The following ITFG2 variants were observed in gnomAD, a reference collection of about 807,000 sequenced individuals.
The protein encoded by ITFG2 is KICSTOR complex protein ITFG2.
ITFG2 carries 36 observed loss-of-function variants against 54.4 expected under a neutral mutation model. The observed-to-expected ratio is 0.66, with a 90% CI of 0.51 to 0.87. The LOEUF (loss-of-function observed/expected upper bound fraction) is 0.87, where lower values mean the gene tolerates loss of function less well. ITFG2 is among the 40% of genes least tolerant of loss of function. ITFG2 has a pLI of 0.00. For synonymous variants in ITFG2, 211 were observed against 225.4 expected (o/e 0.94, Z 0.57); for missense variants, 524 against 576.7 (o/e 0.91, Z 0.94).
intron 2 of ITFG2, among the ~76,000 whole-genome samples, chr12:2,847,843 A>C (rs1183777102): frequency 6.6e-6 from 1 of 152,176 alleles, no homozygotes; most frequent in Non-Finnish European, 1.5e-5. Context: ...TTCACTCAGC[A>C]TGATGTTTTC....
chr12:2,814,117 T>C lies in ITFG2; in HGVS notation c.96+1261T>C, dbSNP rs560260967. On this transcript the variant is annotated intron_variant, in intron 1 of 11. Coordinates refer to ENST00000228799, the MANE Select transcript of ITFG2 (RefSeq NM_018463.4). ...TGCCACCATGTCTGGCTAATTTTTT[T>C]AAAGTTTTGTAGAGATGAGGTCTCA... Among the ~76,000 whole-genome samples the C allele has an allele frequency of 3.5e-4, 53 of 152,182 alleles. No individual in the cohort carries two copies. In the South Asian group the frequency reaches 8.9e-3, roughly 26 times the overall value.
Position 2,822,858 on chromosome 12 carries a change from ACCGCACCGTCGT to A in ITFG2, c.1018_1029del (p.Thr340_Arg343del). On this transcript the variant is annotated inframe_deletion, in exon 10 of 12. Coordinates refer to ENST00000228799, the MANE Select transcript of ITFG2 (RefSeq NM_018463.4). ...GGACAGACATATATCATTGATCACAACCGCACCGTCGTCCGCTTCCAAGTGGATGAAAATATC... is the reference window on the plus strand; with the variant it reads ...GGACAGACATATATCATTGATCACAACCGCTTCCAAGTGGATGAAAATATC... The A allele has an allele frequency of 6.2e-7, 1 of 1,614,002 alleles. No homozygotes were observed. Among genetic ancestry groups the A allele is most frequent in the Non-Finnish European group, 8.5e-7 (1 of 1,179,998 alleles).
At position 2,821,306 on chromosome 12, in the gene ITFG2, GC is replaced by G; in HGVS notation, c.742del (p.Arg248ValfsTer11). On this transcript the variant is annotated frameshift_variant, in exon 7 of 12. Transcript: ENST00000228799. LOFTEE classifies it high-confidence loss of function. ...ARDVVLHQTS[G>X]RIHNKNVSTH... is the part of the protein sequence containing the mutation. ...GACGTGGTGCTGCACCAGACATCTGGCCGTATCCACAACAAGAATGTCTCCA... is the reference window on the plus strand; with the variant it reads ...GACGTGGTGCTGCACCAGACATCTGGCGTATCCACAACAAGAATGTCTCCA... 6.2e-7 allele frequency: 1 copy of G among 1,610,476 alleles called. No individual in the cohort carries two copies. Among genetic ancestry groups the G allele is most frequent in the Non-Finnish European group, 8.5e-7 (1 of 1,178,390 alleles).
chr12:2,843,553 C>T (rs1191639716), intron 2 of ITFG2, among the ~76,000 whole-genome samples: 1 of 152,202 alleles, frequency 6.6e-6, no homozygotes, highest in Admixed American at 6.5e-5. Context: ...TGGCTCATGC[C>T]TGTAATCTCA....
Position 2,854,859 on chromosome 12 carries a change from C to T in ITFG2, n.301-3153C>T, listed in dbSNP as rs1473978955. 2.0e-6 allele frequency: 3 copies of T among 1,504,350 alleles called. No homozygotes were observed. In the East Asian group the frequency reaches 7.4e-5, roughly 37 times the overall value. The allele number at this position is 1,504,350 out of a possible 1,614,324, so 93.2% of individuals were successfully genotyped here. A position where few individuals can be genotyped will look rare whatever the true frequency, so the allele number is the denominator to read the frequency against. ...AGAGGGAGGGGTCACCTGGGCAGGGCAGGCTGGGTGGGCTCCCTGAGGAGG... is the reference window on the plus strand; with the variant it reads ...AGAGGGAGGGGTCACCTGGGCAGGGTAGGCTGGGTGGGCTCCCTGAGGAGG... On this transcript the variant is annotated intron_variant and non_coding_transcript_variant, in intron 2 of 3. Transcript: ENST00000537710.
intron 4 of ITFG2, 187 bp from the exon 5 acceptor site, chr12:2,819,899 A>G (rs2097937043): frequency 1.7e-6 from 1 of 592,092 alleles, no homozygotes; most frequent in South Asian, 2.8e-5. Context: ...GGAGCTGCGG[A>G]ACAGATGGAC....
chr12:2,857,660 C>T (rs2153930303), intron 2 of ITFG2: 1 of 153,840 alleles, frequency 6.5e-6, no homozygotes, highest in South Asian at 2.0e-4. Context: ...GAATCAGACG[C>T]CAATAAACCA....
chr12:2,848,400 C>T (rs2098059088), intron 2 of ITFG2, among the ~76,000 whole-genome samples: 1 of 152,216 alleles, frequency 6.6e-6, no homozygotes, highest in Non-Finnish European at 1.5e-5. Context: ...CCTGCCTCTA[C>T]TTTACCCCTG....
chr12:2,828,430 C>T (rs544990134), downstream of ITFG2: 94 of 1,607,118 alleles, frequency 5.8e-5, no homozygotes, highest in South Asian at 4.6e-4. Context: ...AAAGAAGAAT[C>T]GTGGTGAATC....
chr12:2,854,094 T>C (rs2098079818), intron 2 of ITFG2, among the ~76,000 whole-genome samples: 3 of 152,220 alleles, frequency 2.0e-5, no homozygotes, highest in South Asian at 4.1e-4. Flanking sequence ...GGCACCATCT[T>C]GGCTCACTGC....
intron 3 of ITFG2, chr12:2,859,439 T>G (rs1385286074): frequency 6.2e-7 from 1 of 1,614,064 alleles, no homozygotes; most frequent in South Asian, 1.1e-5. Context: ...AGTGAGATGA[T>G]TCCTCTTTGA....
intron 3 of ITFG2, chr12:2,859,473 T>C (rs1456195403): frequency 6.2e-7 from 1 of 1,613,958 alleles, no homozygotes; most frequent in Middle Eastern, 1.6e-4. Context: ...GGAGGGCCAC[T>C]CTTCCAAGGG....
chr12:2,816,220 G>A (rs12827857), intron 1 of ITFG2, among the ~76,000 whole-genome samples: 9,435 of 151,592 alleles, frequency 0.062, 389 homozygotes, highest in East Asian at 0.2. Context: ...TAGTACAAAC[G>A]GGGTTTTACC....
intron 1 of ITFG2, among the ~76,000 whole-genome samples, chr12:2,837,528 T>C (rs758263244): frequency 3.3e-5 from 5 of 152,026 alleles, no homozygotes; most frequent in Non-Finnish European, 5.9e-5. Flanking sequence ...TCCCAACTAC[T>C]TGGGAGGCTG....
chr12:2,817,454 G>A, intron 2 of ITFG2, 136 bp downstream of exon 2: 1 of 627,016 alleles, frequency 1.6e-6, no homozygotes, highest in Non-Finnish European at 2.8e-6. Flanking sequence ...CTGACTTGCA[G>A]CCAATTTGAT....
intron 2 of ITFG2, among the ~76,000 whole-genome samples, chr12:2,846,470 A>G (rs7139245): frequency 0.99 from 150,396 of 152,176 alleles, 74,327 homozygotes; most frequent in East Asian, 1. Flanking sequence ...TCCCCGCTCC[A>G]GCACACCCCT....
intron 3 of ITFG2, chr12:2,858,397 C>T: frequency 2.0e-6 from 1 of 499,346 alleles, no homozygotes; most frequent in African/African-American, 1.9e-5. Flanking sequence ...TCACCATTGC[C>T]TTTGTTGTTC....
At chr12:2,832,350 G>A (rs1555086871), upstream of ITFG2, among the ~76,000 whole-genome samples, 1 of 151,900 alleles carries the variant, frequency 6.6e-6, no homozygotes, top group Non-Finnish European at 1.5e-5. Flanking sequence ...CTGCCACTCT[G>A]TTTATGGGCC....
rs548089963 is a variant in ITFG2 at position 2,815,044 on chromosome 12, G to A, written c.97-2179G>A. ...GCTGGAGTGCAGTGACACAATCTCG[G>A]CTCACTGCAACCTCTGCCTCCCAGG... On this transcript the variant is annotated intron_variant, in intron 1 of 11. Transcript: ENST00000228799. Among the ~76,000 whole-genome samples the A allele has an allele frequency of 3.0e-4, 45 of 151,806 alleles. No homozygotes were observed. In the South Asian group the frequency reaches 9.0e-3, roughly 30 times the overall value.
Sources: gnomAD v4.1 joint callset for allele counts (sites outside exome capture counted in the v4.1 genomes callset) on GRCh38, gnomAD v4.1.1 for gene constraint, MANE v1.5 for transcripts, NCBI Gene and HGNC (gene_info 2026-07-23, HGNC 2026-07-21) for gene names.